Variants in KAZN observed in about 807,000 individuals in gnomAD.
The protein encoded by KAZN is kazrin, periplakin interacting protein, also known as kazrin.
Under a neutral mutation model 87.4 loss-of-function variants are expected in KAZN, and 40 were observed. The observed-to-expected ratio is 0.46, with a 90% CI of 0.36 to 0.60. The LOEUF is 0.60. Among genes scored for constraint, KAZN ranks in the 20% least tolerant of loss-of-function variants. The pLI is 0.00. For missense variants in KAZN, 898 were observed against 1,073.9 expected (o/e 0.84, Z 2.29); for synonymous variants, 466 against 458.3 (o/e 1.02, Z -0.22).
chr1:14,749,994 A>G (rs2100484577), intron 1 of KAZN, among the ~76,000 whole-genome samples: 1 of 152,278 alleles, frequency 6.6e-6, no homozygotes, highest in South Asian at 2.1e-4. Context: ...GACATAGAAC[A>G]AAGACATACC....
chr1:14,388,410 C>G (rs766774164), intron 2 of KAZN, among the ~76,000 whole-genome samples: 10 of 152,122 alleles, frequency 6.6e-5, no homozygotes, highest in Non-Finnish European at 1.3e-4. Flanking sequence ...CTATCCTAAA[C>G]AAAAAGAACA....
chr1:14,910,056 A>AT (rs1385410349), intron 1 of KAZN, among the ~76,000 whole-genome samples: 1 of 65,048 alleles, frequency 1.5e-5, no homozygotes, highest in Non-Finnish European at 4.5e-5. Flanking sequence ...GTCTCAATAA[A>AT]TAAATAATGA....
chr1:14,379,344 C>T (rs1392261827), intron 2 of KAZN, among the ~76,000 whole-genome samples: 3 of 151,858 alleles, frequency 2.0e-5, no homozygotes, highest in Non-Finnish European at 4.4e-5. Context: ...AGACTCCTTC[C>T]GATTGAGAAA....
chr1:14,736,254 G>GGGGT (rs780407996), intron 1 of KAZN, among the ~76,000 whole-genome samples: 6,325 of 115,208 alleles, frequency 0.055, 183 homozygotes, highest in Non-Finnish European at 0.071. Flanking sequence ...GGGACTCAAG[G>GGGGT]GTGTGTGTGT....
At chr1:14,811,000 C>G (rs1342680992) in intron 1 of KAZN, among the ~76,000 whole-genome samples, 1 of 152,210 alleles carries the variant, frequency 6.6e-6, no homozygotes, top group East Asian at 1.9e-4. Context: ...ATTTATGGAC[C>G]AACTGCTCTT....
intron 2 of KAZN, among the ~76,000 whole-genome samples, chr1:14,372,171 C>T (rs1660543509): frequency 6.6e-6 from 1 of 152,148 alleles, no homozygotes; most frequent in African/African-American, 2.4e-5. Flanking sequence ...AGATTGTTAA[C>T]TGTTTACTGT....
In KAZN at chr1:14,735,216, T is replaced by C. The variant is rs1643865905; in HGVS notation, c.226+135993T>C. Reference sequence around the variant, plus strand: ...CTGGGACTACAGGCACCCGCCACCATGCCCGGCTAATTTTTTTGTATTTTT... The same window carrying C: ...CTGGGACTACAGGCACCCGCCACCACGCCCGGCTAATTTTTTTGTATTTTT... On this transcript the variant is annotated intron_variant, in intron 1 of 14. Transcript: ENST00000376030. The surrounding 1 kb of genome is among the most constrained non-coding windows in gnomAD (Gnocchi z 4.3). Among the ~76,000 whole-genome samples the C allele has an allele frequency of 6.6e-6, 1 of 152,124 alleles. No homozygotes were observed. The highest frequency in any genetic ancestry group is 2.4e-5 in the African/African-American group (1 of 41,434).
At position 14,037,207 on chromosome 1, in the gene KAZN, A is replaced by G. The variant is rs142450209; in HGVS notation, c.92-143228A>G. On this transcript the variant is annotated intron_variant, in intron 1 of 16. Coordinates refer to the KAZN transcript ENST00000636203. ...CCATGCCAGTAAATACAGTTCTACA[A>G]TACTAGTTTTAATGGCTACATGGCA... is the stretch of plus-strand genomic sequence containing the variant. 7.7e-3 allele frequency among the ~76,000 whole-genome samples: 1,171 copies of G among 152,342 alleles called. 16 individuals carry two copies. The highest frequency in any genetic ancestry group is 0.011 in the Non-Finnish European group (719 of 68,032).
At chr1:14,529,995 G>A (rs1180490031) in intron 2 of KAZN, among the ~76,000 whole-genome samples, 2 of 152,288 alleles carry the variant, frequency 1.3e-5, no homozygotes, top group Non-Finnish European at 2.9e-5. Flanking sequence ...CTGTGGCAGG[G>A]ATCACAGACT....
At chr1:14,236,453 G>T (rs756337071) in intron 2 of KAZN, among the ~76,000 whole-genome samples, 1 of 152,232 alleles carries the variant, frequency 6.6e-6, no homozygotes, top group Middle Eastern at 3.4e-3. Context: ...CCTTTCATGG[G>T]ACCACAGAGG....
At chr1:14,792,315 G>A (rs34569339) in intron 1 of KAZN, among the ~76,000 whole-genome samples, 15,904 of 152,198 alleles carry the variant, frequency 0.1, 1,061 homozygotes, top group Middle Eastern at 0.22. Context: ...GAGCTGGAAG[G>A]TGCAAAAAAC....
intron 2 of KAZN, among the ~76,000 whole-genome samples, chr1:14,407,034 A>T (rs571980403): frequency 6.6e-6 from 1 of 152,312 alleles, no homozygotes; most frequent in South Asian, 2.1e-4. Flanking sequence ...CCCAAAATAG[A>T]TCACTTAGTT....
intron 2 of KAZN, among the ~76,000 whole-genome samples, chr1:15,001,018 G>T (rs568849920): frequency 9.6e-6 from 1 of 104,444 alleles, no homozygotes; most frequent in Non-Finnish European, 2.1e-5. Flanking sequence ...CAGGAGAGTC[G>T]CTTGAGCCCA....
intron 2 of KAZN, among the ~76,000 whole-genome samples, chr1:14,279,962 T>C (rs1046799657): frequency 1.3e-5 from 2 of 152,010 alleles, no homozygotes; most frequent in Non-Finnish European, 2.9e-5. Context: ...CTGTTAGGGA[T>C]TGGGAATCGT....
intron 2 of KAZN, among the ~76,000 whole-genome samples, chr1:14,981,630 C>T (rs375339454): frequency 2.0e-5 from 3 of 152,216 alleles, no homozygotes; most frequent in East Asian, 1.9e-4. Context: ...CGGAGCCCTG[C>T]GCTAAGCTGC....
At chr1:14,617,933 C>T (rs1453353088) in intron 1 of KAZN, among the ~76,000 whole-genome samples, 1 of 152,224 alleles carries the variant, frequency 6.6e-6, no homozygotes, top group Admixed American at 6.5e-5. Context: ...TATCTGCGCT[C>T]ACCTTAAATA....
chr1:14,496,194 A>G (rs879728149), intron 2 of KAZN, among the ~76,000 whole-genome samples: 5 of 152,216 alleles, frequency 3.3e-5, no homozygotes, highest in Non-Finnish European at 5.9e-5. Context: ...CACACACACA[A>G]TCGAACTCTG....
chr1:14,796,031 G>T (rs1344654413), intron 1 of KAZN, among the ~76,000 whole-genome samples: 1 of 152,140 alleles, frequency 6.6e-6, no homozygotes, highest in Non-Finnish European at 1.5e-5. Context: ...CACTAGTGGT[G>T]AACTCCTCAT....
At chr1:14,990,285 C>G (rs571529749) in intron 2 of KAZN, among the ~76,000 whole-genome samples, 10 of 152,258 alleles carry the variant, frequency 6.6e-5, no homozygotes, top group Non-Finnish European at 1.5e-4. Flanking sequence ...TGCAGTGGAG[C>G]GATCTCCGCT....
Sources: allele counts gnomAD v4.1 joint callset (sites outside exome capture counted in the v4.1 genomes callset), GRCh38; gene constraint gnomAD v4.1.1; non-coding constraint Gnocchi (gnomAD v3.1); transcripts MANE v1.5; gene names NCBI Gene and HGNC (gene_info 2026-07-23, HGNC 2026-07-21).